PARD3: variants seen among roughly 807,000 people sequenced by gnomAD.
The protein encoded by PARD3 is partitioning defective 3 homolog.
PARD3 carries 75 observed loss-of-function variants against 155.4 expected under a neutral mutation model. The observed-to-expected ratio is 0.48, with a 90% CI of 0.40 to 0.58. PARD3 has a LOEUF of 0.58. Ranked by LOEUF, PARD3 falls within the 20% of genes least tolerant of loss-of-function variation. PARD3 has a pLI of 0.00. For synonymous variants in PARD3, 576 were observed against 610.5 expected (o/e 0.94, Z 0.83); for missense variants, 1,642 against 1,721.7 (o/e 0.95, Z 0.82).
intron 5 of PARD3, among the ~76,000 whole-genome samples, chr10:34,435,177 G>T (rs2094055449): frequency 6.6e-6 from 1 of 151,880 alleles, no homozygotes; most frequent in South Asian, 2.1e-4. Flanking sequence ...TTTACATTTT[G>T]ATATTACAAA....
At chr10:34,352,124 T>G (rs981935441) in intron 14 of PARD3, among the ~76,000 whole-genome samples, 2 of 152,210 alleles carry the variant, frequency 1.3e-5, no homozygotes, top group African/African-American at 4.8e-5. Flanking sequence ...AACATGGATA[T>G]AATAAAATGC....
chr10:34,758,954 T>C (rs1412382995), intron 1 of PARD3, among the ~76,000 whole-genome samples: 1 of 152,002 alleles, frequency 6.6e-6, no homozygotes, highest in Non-Finnish European at 1.5e-5. Flanking sequence ...AAACAAAGAC[T>C]ATGACATGGA....
intron 1 of PARD3, among the ~76,000 whole-genome samples, chr10:34,792,355 G>A (rs911322935): frequency 1.3e-5 from 2 of 152,146 alleles, no homozygotes; most frequent in African/African-American, 2.4e-5. Context: ...AAAGCACTGG[G>A]ACTTCAGGCA....
At chr10:34,616,407 A>C (rs1203881740) in intron 2 of PARD3, among the ~76,000 whole-genome samples, 1 of 152,224 alleles carries the variant, frequency 6.6e-6, no homozygotes, top group Admixed American at 6.5e-5. Context: ...AGAAATCAGC[A>C]CATCAACGAA....
intron 1 of PARD3, among the ~76,000 whole-genome samples, chr10:34,786,598 G>T (rs778845999): frequency 6.6e-6 from 1 of 152,084 alleles, no homozygotes; most frequent in Non-Finnish European, 1.5e-5. Context: ...ACAGACCCAG[G>T]CATCTTATTA....
chr10:34,283,468 A>T (rs544500684), intron 21 of PARD3, among the ~76,000 whole-genome samples: 1 of 152,264 alleles, frequency 6.6e-6, no homozygotes, highest in Non-Finnish European at 1.5e-5. Context: ...AATTCTAATC[A>T]CTTAGAAAAA....
At position 34,743,780 on chromosome 10, in the gene PARD3, G is replaced by C. The variant is rs190373833; in HGVS notation, c.121-47361C>G. On this transcript the variant is annotated intron_variant, in intron 1 of 24. Coordinates refer to ENST00000374788, the MANE Select transcript of PARD3 (RefSeq NM_001184785.2). ...TAAAATCAATGCCAAGGTTGGAGGA[G>C]GGAGAGGAAAAACAGGGTTGGTCTG... Among the ~76,000 whole-genome samples the C allele has an allele frequency of 2.7e-3, 409 of 152,284 alleles. 6 individuals carry two copies. The highest frequency in any genetic ancestry group is 0.02 in the Middle Eastern group (6 of 294).
intron 1 of PARD3, among the ~76,000 whole-genome samples, chr10:34,725,572 G>T (rs1337809785): frequency 1.3e-5 from 2 of 152,192 alleles, no homozygotes; most frequent in African/African-American, 2.4e-5. Context: ...CAACTGTGAG[G>T]AGTAGTGTTA....
At chr10:34,269,978 A>G in intron 21 of PARD3, 79 bp from the exon 22 acceptor site, 1 of 1,335,486 alleles carries the variant, frequency 7.5e-7, no homozygotes, top group Non-Finnish European at 1.0e-6. Context: ...TCATCAAAAT[A>G]TGTTGTAAAA....
intron 15 of PARD3, among the ~76,000 whole-genome samples, chr10:34,342,315 G>A (rs1012789530): frequency 6.6e-6 from 1 of 152,194 alleles, no homozygotes; most frequent in African/African-American, 2.4e-5. Flanking sequence ...ATAATTATAT[G>A]GTGGTGTAGA....
intron 2 of PARD3, among the ~76,000 whole-genome samples, chr10:34,541,408 A>T (rs765627580): frequency 5.9e-5 from 9 of 152,230 alleles, no homozygotes; most frequent in Non-Finnish European, 7.3e-5. Flanking sequence ...TACAATCTAT[A>T]TTCCTGAAGG....
intron 3 of PARD3, among the ~76,000 whole-genome samples, chr10:34,506,272 CCT>C (rs779238299): frequency 6.6e-6 from 1 of 152,096 alleles, no homozygotes. Flanking sequence ...TTCAGCAATA[CCT>C]CTGCTTGTCC....
intron 22 of PARD3, among the ~76,000 whole-genome samples, chr10:34,200,340 T>C (rs367662478): frequency 3.9e-5 from 6 of 152,150 alleles, no homozygotes; most frequent in East Asian, 3.9e-4. Flanking sequence ...AAAAAAAATC[T>C]TCGTTTTCCT....
At chr10:34,340,665 G>T (rs1455030744) in intron 16 of PARD3, among the ~76,000 whole-genome samples, 1 of 152,142 alleles carries the variant, frequency 6.6e-6, no homozygotes, top group Non-Finnish European at 1.5e-5. Context: ...TGTTCATGTG[G>T]AGAGTCAGGG....
chr10:34,621,302 C>T (rs1207249720), intron 2 of PARD3, among the ~76,000 whole-genome samples: 2 of 152,030 alleles, frequency 1.3e-5, no homozygotes, highest in East Asian at 3.8e-4. Context: ...GTTTAAGTGG[C>T]TCTCGTGTTT....
At chr10:34,556,006 T>C (rs2084950791) in intron 2 of PARD3, among the ~76,000 whole-genome samples, 1 of 152,120 alleles carries the variant, frequency 6.6e-6, no homozygotes, top group South Asian at 2.1e-4. Flanking sequence ...GCTAGAACTA[T>C]GATAAAGAAA....
chr10:34,400,919 T>C (rs112695366), intron 6 of PARD3, among the ~76,000 whole-genome samples: 1 of 152,212 alleles, frequency 6.6e-6, no homozygotes, highest in African/African-American at 2.4e-5. Flanking sequence ...AAGCTAAGAA[T>C]AGCATAACTT....
Position 34,147,399 on chromosome 10 carries a change from T to C in PARD3, c.3420-15816A>G, listed in dbSNP as rs1341915594. ...TGAGAAAAATATATCTTTACTATTG[T>C]GGCAGAGTTTTTTCTTTTTTTCTCT... is the stretch of plus-strand genomic sequence containing the variant. On this transcript the variant is annotated intron_variant, in intron 22 of 24. Transcript: ENST00000374788. 4.6e-5 allele frequency among the ~76,000 whole-genome samples: 7 copies of C among 151,904 alleles called. No homozygotes were observed. In the South Asian group the frequency reaches 6.2e-4, roughly 13 times the overall value.
intron 2 of PARD3, among the ~76,000 whole-genome samples, chr10:34,556,712 C>T (rs773729794): frequency 6.6e-6 from 1 of 152,088 alleles, no homozygotes; most frequent in Admixed American, 6.6e-5. Context: ...TTCAGATGAG[C>T]GTAGTGTTTA....
Sources: gnomAD v4.1 joint callset for allele counts (sites outside exome capture counted in the v4.1 genomes callset) on GRCh38, gnomAD v4.1.1 for gene constraint, MANE v1.5 for transcripts, NCBI Gene and HGNC (gene_info 2026-07-23, HGNC 2026-07-21) for gene names.